The following QTMAN variants were observed in gnomAD, a reference collection of about 807,000 sequenced individuals.
QTMAN encodes the protein queuosine-tRNA mannosyltransferase.
the QTMAN span, chr2:143,938,312 G>A: frequency 3.3e-5 from 5 of 152,162 alleles, no homozygotes; most frequent in African/African-American, 4.8e-5. Flanking sequence ...TTAAGATACT[G>A]GTTAAACTCC....
the QTMAN span, among the ~76,000 whole-genome samples, chr2:144,057,547 T>A: frequency 6.6e-6 from 1 of 152,166 alleles, no homozygotes; most frequent in Non-Finnish European, 1.5e-5. Context: ...TCCCCAGAAA[T>A]GGCAATCTGA....
chr2:144,327,499 C>T, the QTMAN span, among the ~76,000 whole-genome samples: 918 of 152,300 alleles, frequency 6.0e-3, 14 homozygotes, highest in African/African-American at 0.021. Context: ...CCTTAAGTGT[C>T]TCCACTAAGA....
the QTMAN span, chr2:143,952,786 G>A: frequency 1.1e-5 from 18 of 1,602,184 alleles, no homozygotes; most frequent in East Asian, 4.5e-5. Flanking sequence ...GAAATATTTC[G>A]GGATAAACCA....
chr2:144,286,668 GA>G, the QTMAN span, among the ~76,000 whole-genome samples: 4 of 152,182 alleles, frequency 2.6e-5, no homozygotes, highest in African/African-American at 4.8e-5. Context: ...GACACTTGTG[GA>G]AAGATGTGCA....
the QTMAN span, among the ~76,000 whole-genome samples, chr2:144,183,722 T>C: frequency 3.3e-3 from 510 of 152,304 alleles, 7 homozygotes; most frequent in African/African-American, 0.012. Context: ...TTACATTACA[T>C]GGCCAGATTT....
chr2:143,961,014 G>C, the QTMAN span, among the ~76,000 whole-genome samples: 1 of 152,054 alleles, frequency 6.6e-6, no homozygotes, highest in South Asian at 2.1e-4. Context: ...TTTTACAGAT[G>C]AGTAAAGTAA....
At chr2:144,319,184 T>C in the QTMAN span, among the ~76,000 whole-genome samples, 2 of 152,302 alleles carry the variant, frequency 1.3e-5, no homozygotes, top group Middle Eastern at 6.8e-3. Flanking sequence ...CTCTTTACTA[T>C]TGAAGAGTCC....
the QTMAN span, chr2:143,950,973 T>C: frequency 6.6e-6 from 1 of 151,916 alleles, no homozygotes; most frequent in Non-Finnish European, 1.5e-5. Flanking sequence ...TTAAATTGCA[T>C]TTTTGGTTCT....
the QTMAN span, among the ~76,000 whole-genome samples, chr2:144,037,069 GAGAT>G: frequency 6.6e-6 from 1 of 152,118 alleles, no homozygotes; most frequent in Non-Finnish European, 1.5e-5. Flanking sequence ...TAAATCCAAG[GAGAT>G]AGAACACAGA....
chr2:144,142,643 A>AT, the QTMAN span, among the ~76,000 whole-genome samples: 1 of 152,044 alleles, frequency 6.6e-6, no homozygotes, highest in Non-Finnish European at 1.5e-5. Context: ...CACAGAAAGG[A>AT]TTATGGTATC....
the QTMAN span, among the ~76,000 whole-genome samples, chr2:144,056,025 T>C: frequency 6.6e-6 from 1 of 152,324 alleles, no homozygotes; most frequent in East Asian, 1.9e-4. Context: ...CTTCGGATGG[T>C]TATTTTGAAG....
At chr2:144,254,603 A>G in the QTMAN span, among the ~76,000 whole-genome samples, 1 of 152,180 alleles carries the variant, frequency 6.6e-6, no homozygotes, top group Non-Finnish European at 1.5e-5. Flanking sequence ...AGGCCCACAC[A>G]AAGTCCCCAC....
the QTMAN span, among the ~76,000 whole-genome samples, chr2:144,049,143 T>C: frequency 6.6e-6 from 1 of 152,084 alleles, no homozygotes; most frequent in African/African-American, 2.4e-5. Flanking sequence ...CAAAGAGAAA[T>C]AGTTTGAATG....
the QTMAN span, among the ~76,000 whole-genome samples, chr2:144,108,166 C>G: frequency 6.6e-6 from 1 of 152,162 alleles, no homozygotes; most frequent in African/African-American, 2.4e-5. Context: ...TGGGCAAAAA[C>G]TGGAAGCATT....
chr2:144,222,921 T>C, the QTMAN span, among the ~76,000 whole-genome samples: 7 of 152,264 alleles, frequency 4.6e-5, 1 homozygote, highest in East Asian at 9.6e-4. Context: ...AGAGAGAGAT[T>C]TGCATTTTAA....
At chr2:144,260,188 TA>T in the QTMAN span, among the ~76,000 whole-genome samples, 1 of 152,116 alleles carries the variant, frequency 6.6e-6, no homozygotes, top group African/African-American at 2.4e-5. Context: ...ATCACTTATT[TA>T]ATTACTGTAA....
chr2:144,131,253 A>C, the QTMAN span, among the ~76,000 whole-genome samples: 1 of 151,670 alleles, frequency 6.6e-6, no homozygotes. Flanking sequence ...ATATCAGCAA[A>C]TCTGTTTCTC....
At chr2:144,092,870 G>GGTGTGTGTGTGTGTGTGTGT in the QTMAN span, among the ~76,000 whole-genome samples, 6 of 140,726 alleles carry the variant, frequency 4.3e-5, no homozygotes, top group East Asian at 6.6e-4. Flanking sequence ...AAACTTTTGG[G>GGTGTGTGTGTGTGTGTGTGT]GTGTGTGTGT....
the QTMAN span, among the ~76,000 whole-genome samples, chr2:144,106,728 A>T: frequency 2.0e-5 from 3 of 152,196 alleles, no homozygotes; most frequent in African/African-American, 7.2e-5. Context: ...ATATCCAGCA[A>T]TTGAACTCAG....
Sources: allele counts gnomAD v4.1 joint callset (sites outside exome capture counted in the v4.1 genomes callset), GRCh38; gene constraint gnomAD v4.1.1; transcripts MANE v1.5; gene names NCBI Gene and HGNC (gene_info 2026-07-23, HGNC 2026-07-21).